Variants in OTUD7A observed in about 807,000 individuals in gnomAD.
OTUD7A encodes the protein OTU domain-containing protein 7A.
A neutral mutation model predicts 65.7 loss-of-function variants in OTUD7A; 12 were observed. The observed-to-expected ratio is 0.18, with a 90% CI of 0.12 to 0.30. The LOEUF is 0.30. Ranked by LOEUF, OTUD7A falls within the 10% of genes least tolerant of loss-of-function variation. The pLI is 1.00. For synonymous variants in OTUD7A, 641 were observed against 586.3 expected (o/e 1.09, Z -1.35); for missense variants, 1,148 against 1,304.8 (o/e 0.88, Z 1.85).
At chr15:31,586,021 G>A (rs2141190471) in intron 3 of OTUD7A, among the ~76,000 whole-genome samples, 1 of 152,294 alleles carries the variant, frequency 6.6e-6, no homozygotes, top group African/African-American at 2.4e-5. Flanking sequence ...AGGCAGGTAG[G>A]GTCAGGATGG....
At chr15:31,668,975 T>C (rs2338905) in intron 1 of OTUD7A, among the ~76,000 whole-genome samples, 15 of 152,224 alleles carry the variant, frequency 9.9e-5, no homozygotes, top group African/African-American at 1.4e-4. Flanking sequence ...TACTGGGTAT[T>C]GTCTGTACAG....
At chr15:31,785,099 T>G (rs750761261) in intron 1 of OTUD7A, among the ~76,000 whole-genome samples, 3 of 152,206 alleles carry the variant, frequency 2.0e-5, no homozygotes, top group African/African-American at 7.2e-5. Context: ...TACACACTGA[T>G]GCATCTAAAC....
intron 3 of OTUD7A, among the ~76,000 whole-genome samples, chr15:31,592,652 G>A (rs989220923): frequency 3.3e-5 from 5 of 151,486 alleles, no homozygotes; most frequent in African/African-American, 7.3e-5. Flanking sequence ...AGGCTGAGGC[G>A]GGCAGATCAC....
chr15:31,561,720 T>C (rs1436182314), intron 4 of OTUD7A, among the ~76,000 whole-genome samples: 4 of 152,154 alleles, frequency 2.6e-5, no homozygotes, highest in South Asian at 4.2e-4. Flanking sequence ...ATGCTCCTAA[T>C]TCTAACATTT....
chr15:31,765,733 T>TTTAA, intron 1 of OTUD7A: 1 of 1,097,064 alleles, frequency 9.1e-7, no homozygotes, highest in Admixed American at 2.2e-5. Context: ...TTACATACTT[T>TTTAA]TTAATTCAGC....
At chr15:31,675,849 T>G (rs897845391) in intron 1 of OTUD7A, among the ~76,000 whole-genome samples, 3 of 152,196 alleles carry the variant, frequency 2.0e-5, no homozygotes, top group African/African-American at 7.2e-5. Flanking sequence ...AAACCTTTAT[T>G]TTTTTTCCTT....
At position 31,611,148 on chromosome 15, in the gene OTUD7A, C is replaced by T. The variant is rs374702680; in HGVS notation, c.152-40951G>A. 2.5e-4 allele frequency among the ~76,000 whole-genome samples: 38 copies of T among 152,072 alleles called. No individual in the cohort carries two copies. In the South Asian group the frequency reaches 7.3e-3, roughly 29 times the overall value. On this transcript the variant is annotated intron_variant, in intron 3 of 12. Transcript: ENST00000307050. ...ACCTATCAAAATCTCTGGGATATAGCAAAGGAGGTGCTAAGAGGAAACTTC... is the reference window on the plus strand; with the variant it reads ...ACCTATCAAAATCTCTGGGATATAGTAAAGGAGGTGCTAAGAGGAAACTTC...
chr15:31,522,937 C>T (rs554741036), intron 8 of OTUD7A, among the ~76,000 whole-genome samples: 1 of 152,350 alleles, frequency 6.6e-6, no homozygotes, highest in East Asian at 1.9e-4. Flanking sequence ...CCATCTGTCT[C>T]CATACCAGGG....
intron 3 of OTUD7A, among the ~76,000 whole-genome samples, chr15:31,649,174 T>C (rs1891763389): frequency 6.6e-6 from 1 of 152,226 alleles, no homozygotes; most frequent in Admixed American, 6.5e-5. Context: ...CACTTTCTCT[T>C]ACTGCAGTCT....
intron 1 of OTUD7A, among the ~76,000 whole-genome samples, chr15:31,752,374 T>C (rs1157805911): frequency 5.3e-5 from 8 of 152,200 alleles, no homozygotes; most frequent in South Asian, 2.1e-4. Context: ...TTTAGTAGGT[T>C]TTTCAAATAA....
At chr15:31,800,590 C>T (rs1254843212) in intron 1 of OTUD7A, among the ~76,000 whole-genome samples, 1 of 152,112 alleles carries the variant, frequency 6.6e-6, no homozygotes, top group Non-Finnish European at 1.5e-5. Context: ...CCCCTGGTCA[C>T]TCCTGGAGGC....
At chr15:31,656,437 G>C (rs1184102473) in intron 2 of OTUD7A, among the ~76,000 whole-genome samples, 1 of 152,170 alleles carries the variant, frequency 6.6e-6, no homozygotes, top group African/African-American at 2.4e-5. Flanking sequence ...AGCGTCTGTG[G>C]CTGCTTTTGC....
intron 3 of OTUD7A, among the ~76,000 whole-genome samples, chr15:31,582,924 G>A (rs948136925): frequency 1.1e-4 from 17 of 152,212 alleles, no homozygotes; most frequent in African/African-American, 4.1e-4. Context: ...TACTTGGCTG[G>A]CTGAATTACT....
At chr15:31,776,574 G>A (rs1287872337) in intron 1 of OTUD7A, among the ~76,000 whole-genome samples, 2 of 152,162 alleles carry the variant, frequency 1.3e-5, no homozygotes, top group African/African-American at 4.8e-5. Flanking sequence ...TGGGGACAGG[G>A]GCATCCCAAT....
At chr15:31,668,446 T>C (rs557406123) in intron 1 of OTUD7A, among the ~76,000 whole-genome samples, 10 of 152,216 alleles carry the variant, frequency 6.6e-5, no homozygotes, top group Non-Finnish European at 1.0e-4. Context: ...ATTGCTGAGA[T>C]TTTCCAAAGC....
At chr15:31,692,840 T>TG (rs1435333151) in intron 1 of OTUD7A, among the ~76,000 whole-genome samples, 1 of 150,686 alleles carries the variant, frequency 6.6e-6, no homozygotes, top group Non-Finnish European at 1.5e-5. Flanking sequence ...TGCCCACCTC[T>TG]GGGGTGTTCA....
intron 8 of OTUD7A, among the ~76,000 whole-genome samples, chr15:31,521,775 T>C (rs181410903): frequency 5.9e-5 from 9 of 152,116 alleles, no homozygotes; most frequent in African/African-American, 2.2e-4. Context: ...GCAGAGAGGT[T>C]AGCATGTGAG....
chr15:31,852,148 C>T (rs1295724612), intron 1 of OTUD7A, among the ~76,000 whole-genome samples: 1 of 152,216 alleles, frequency 6.6e-6, no homozygotes, highest in Non-Finnish European at 1.5e-5. Flanking sequence ...TGAGCCACTG[C>T]GCCCAGCCCT....
At chr15:31,623,178 C>T (rs1306632104) in intron 3 of OTUD7A, among the ~76,000 whole-genome samples, 8 of 152,170 alleles carry the variant, frequency 5.3e-5, no homozygotes, top group East Asian at 1.9e-4. Context: ...GCCCCTACTT[C>T]GGGGGTGCCT....
Sources: gnomAD v4.1 joint callset for allele counts (sites outside exome capture counted in the v4.1 genomes callset) on GRCh38, gnomAD v4.1.1 for gene constraint, MANE v1.5 for transcripts, NCBI Gene and HGNC (gene_info 2026-07-23, HGNC 2026-07-21) for gene names.